WDR12: variants seen among roughly 807,000 people sequenced by gnomAD.
WDR12 encodes the protein WD repeat domain 12.
Under a neutral mutation model 64.3 loss-of-function variants are expected in WDR12, and 42 were observed. The observed-to-expected ratio is 0.65, with a 90% CI of 0.51 to 0.84. WDR12 has a LOEUF of 0.84. Ranked by LOEUF, WDR12 falls within the 40% of genes least tolerant of loss-of-function variation. WDR12 has a pLI of 0.00. For synonymous variants in WDR12, 158 were observed against 173.3 expected (o/e 0.91, Z 0.70); for missense variants, 469 against 494.6 (o/e 0.95, Z 0.49).
intron 8 of WDR12, among the ~76,000 whole-genome samples, chr2:202,890,578 G>T (rs564752666): frequency 3.4e-4 from 51 of 151,926 alleles, no homozygotes; most frequent in African/African-American, 1.2e-3. Flanking sequence ...GACCATCCTG[G>T]CTAACAGGGT....
chr2:202,902,323 A>G (rs1688363731), intron 2 of WDR12, among the ~76,000 whole-genome samples: 1 of 152,222 alleles, frequency 6.6e-6, no homozygotes. Context: ...ACACAAATCA[A>G]TGTAATACAC....
chr2:202,902,101 G>GT (rs1490572491), intron 2 of WDR12, among the ~76,000 whole-genome samples: 1 of 152,132 alleles, frequency 6.6e-6, no homozygotes, highest in Non-Finnish European at 1.5e-5. Flanking sequence ...TTGCAATATG[G>GT]TAACAGTCTA....
At chr2:202,883,955 G>C (rs1449333423) in intron 10 of WDR12, among the ~76,000 whole-genome samples, 2 of 152,110 alleles carry the variant, frequency 1.3e-5, no homozygotes, top group South Asian at 4.1e-4. Context: ...TGGGATTACA[G>C]GCACGCGCCA....
intron 8 of WDR12, among the ~76,000 whole-genome samples, chr2:202,887,244 T>C (rs1688063927): frequency 6.6e-6 from 1 of 152,100 alleles, no homozygotes; most frequent in Non-Finnish European, 1.5e-5. Flanking sequence ...AGGCTGGTCT[T>C]CACTCCTGAC....
chr2:202,886,767 C>CAAAA (rs60735682), intron 8 of WDR12, among the ~76,000 whole-genome samples: 5 of 79,008 alleles, frequency 6.3e-5, no homozygotes, highest in Non-Finnish European at 9.1e-5. Flanking sequence ...AACTCCATCT[C>CAAAA]AAAAAAAAAA....
intron 5 of WDR12, among the ~76,000 whole-genome samples, 153 bp downstream of exon 5, chr2:202,897,147 T>A (rs1488841573): frequency 6.6e-6 from 1 of 152,170 alleles, no homozygotes; most frequent in African/African-American, 2.4e-5. Context: ...ATATAATCTT[T>A]TTCTTCTTGA....
rs1366394918 is a variant in WDR12 at position 202,879,503 on chromosome 2, C to G, written c.*1357G>C. 1 of 152,284 alleles carries G rather than the reference C, an allele frequency of 6.6e-6. No individual in the cohort carries two copies. The highest frequency in any genetic ancestry group is 2.4e-5 in the African/African-American group (1 of 41,442). The allele number at this position is 152,284 out of a possible 1,614,324, so 9.4% of individuals were successfully genotyped here. The stretch of plus-strand genomic sequence containing the variant: ...TGGTATGATCTCAGCTCACTGCAAC[C>G]TCCACCTCCTGGGTTCAACCAATTC... On this transcript the variant is annotated 3_prime_UTR_variant, in exon 13 of 13. Coordinates refer to ENST00000261015, the MANE Select transcript of WDR12 (RefSeq NM_018256.4).
rs185365197 is a variant in WDR12, at chr2:202,899,174, C to T, written c.338+357G>A. ...TCTCCTGCCTCAGCCTCCCAAGTAG[C>T]GGGGACTACAGGCGCCCACCACCAC... On this transcript the variant is annotated intron_variant, in intron 4 of 12. Transcript: ENST00000261015. Among the ~76,000 whole-genome samples the T allele has an allele frequency of 2.8e-3, 417 of 150,914 alleles. 1 individual carries two copies. Among genetic ancestry groups the T allele is most frequent in the Middle Eastern group, 0.017 (5 of 290 alleles).
chr2:202,887,716 G>A (rs374625094), intron 8 of WDR12, among the ~76,000 whole-genome samples: 69 of 150,534 alleles, frequency 4.6e-4, no homozygotes, highest in Non-Finnish European at 5.6e-4. Flanking sequence ...GTGAAACCCC[G>A]TCTCTACTAA....
intron 9 of WDR12, 25 bp from the exon 10 acceptor site, chr2:202,884,328 T>C (rs1305288310): frequency 6.2e-7 from 1 of 1,613,066 alleles, no homozygotes; most frequent in Admixed American, 1.7e-5. Flanking sequence ...GAAAGAACAT[T>C]AACCATGGTA....
intron 10 of WDR12, 90 bp downstream of exon 10, chr2:202,884,108 G>A: frequency 2.2e-6 from 3 of 1,358,234 alleles, no homozygotes; most frequent in Non-Finnish European, 3.1e-6. Flanking sequence ...ACCACGCCTG[G>A]CCAGAAATTC....
At chr2:202,897,872 G>C (rs1482599480) in intron 4 of WDR12, among the ~76,000 whole-genome samples, 1 of 105,650 alleles carries the variant, frequency 9.5e-6, no homozygotes, top group Non-Finnish European at 1.8e-5. Context: ...CTGGGTGACA[G>C]AGCGAGACTC....
Position 202,882,798 on chromosome 2 carries a change from T to C in WDR12, c.1122-15A>G, listed in dbSNP as rs751824823. ...GAGCCTTACAACTAAAAGATGAAAA[T>C]ATTAACATATTATATGCATTCACAG... On this transcript the variant is annotated splice_polypyrimidine_tract_variant and intron_variant, in intron 11 of 12. Coordinates refer to ENST00000261015, the MANE Select transcript of WDR12 (RefSeq NM_018256.4). 3.1e-6 allele frequency: 5 copies of C among 1,609,348 alleles called. No individual in the cohort carries two copies. The highest frequency in any genetic ancestry group is 4.3e-6 in the Non-Finnish European group (5 of 1,175,830).
intron 6 of WDR12, 163 bp from the exon 7 acceptor site, chr2:202,894,789 C>A (rs1688210507): frequency 5.9e-6 from 3 of 511,930 alleles, no homozygotes; most frequent in African/African-American, 2.0e-5. Context: ...AACATAAAAT[C>A]TGGGAAATCT....
chr2:202,907,811 T>C, intron 2 of WDR12, 54 bp downstream of exon 2: 3 of 1,417,796 alleles, frequency 2.1e-6, no homozygotes, highest in South Asian at 2.4e-5. Flanking sequence ...AAAAACTTAA[T>C]GCATTTTAGA....
rs1358189683 is a variant in WDR12 at position 202,911,482 on chromosome 2, G to A, written c.-6C>T. On this transcript the variant is annotated 5_prime_UTR_variant, in exon 1 of 13. Coordinates refer to ENST00000261015, the MANE Select transcript of WDR12 (RefSeq NM_018256.4). ...CGTGTTTGGAGCTGAGCCATGGCGA[G>A]GAGTACACACGACTTGCCCACGGAA... is the stretch of plus-strand genomic sequence containing the variant. 6 of 1,613,776 alleles carry A rather than the reference G, an allele frequency of 3.7e-6. No homozygotes were observed. In the African/African-American group the frequency reaches 4.0e-5, roughly 11 times the overall value.
At chr2:202,893,320 ACAT>A (rs1176705827) in intron 7 of WDR12, among the ~76,000 whole-genome samples, 2 of 152,116 alleles carry the variant, frequency 1.3e-5, no homozygotes, top group Non-Finnish European at 2.9e-5. Flanking sequence ...AATATGTAAA[ACAT>A]TAAAACGTTT....
chr2:202,905,350 G>C (rs1013523670), intron 2 of WDR12, among the ~76,000 whole-genome samples: 1 of 152,164 alleles, frequency 6.6e-6, no homozygotes, highest in Non-Finnish European at 1.5e-5. Context: ...TTACTATTTT[G>C]CCCAGGCTGG....
At chr2:202,902,745 C>G (rs942318224) in intron 2 of WDR12, among the ~76,000 whole-genome samples, 4 of 152,166 alleles carry the variant, frequency 2.6e-5, no homozygotes, top group Non-Finnish European at 4.4e-5. Context: ...TGCTCCTCAT[C>G]TTGCAGACAG....
Sources: allele counts gnomAD v4.1 joint callset (sites outside exome capture counted in the v4.1 genomes callset), GRCh38; gene constraint gnomAD v4.1.1; transcripts MANE v1.5; gene names NCBI Gene and HGNC (gene_info 2026-07-23, HGNC 2026-07-21).